Variants in LAMA2 observed in about 807,000 individuals in gnomAD.
LAMA2 encodes the protein laminin subunit alpha-2.
Under a neutral mutation model 364.8 loss-of-function variants are expected in LAMA2, and 269 were observed. The ratio of observed to expected loss-of-function variants is 0.74; its 90% confidence interval spans 0.67 to 0.82. The LOEUF (loss-of-function observed/expected upper bound fraction) is 0.82. Among genes scored for constraint, LAMA2 ranks in the 40% least tolerant of loss-of-function variants. LAMA2 has a pLI of 0.00. For synonymous variants in LAMA2, 1,379 were observed against 1,370.6 expected, an observed-to-expected ratio of 1.01 and a Z score of -0.14; for missense variants, 3,807 against 3,873.2, an observed-to-expected ratio of 0.98 and a Z score of 0.45.
At chr6:129,289,989 G>A (rs796600532) in intron 19 of LAMA2, among the ~76,000 whole-genome samples, 22 of 152,098 alleles carry the variant, frequency 1.4e-4, no homozygotes, top group African/African-American at 5.3e-4. Context: ...CATTATTTTG[G>A]TTACCTATAG....
intron 1 of LAMA2, among the ~76,000 whole-genome samples, chr6:129,009,336 C>A (rs548800025): frequency 2.0e-5 from 3 of 152,042 alleles, no homozygotes; most frequent in African/African-American, 7.2e-5. Flanking sequence ...TCTTTAAAAA[C>A]TGAGTTTTAT....
intron 39 of LAMA2, among the ~76,000 whole-genome samples, chr6:129,403,491 C>T (rs912835022): frequency 2.0e-5 from 3 of 152,162 alleles, no homozygotes; most frequent in African/African-American, 7.2e-5. Context: ...AGTACAAGTG[C>T]TCTGAATCTC....
At chr6:129,030,606 C>A (rs1015805754) in intron 1 of LAMA2, among the ~76,000 whole-genome samples, 6 of 152,130 alleles carry the variant, frequency 3.9e-5, no homozygotes, top group Non-Finnish European at 8.8e-5. Flanking sequence ...CAGTGCTACA[C>A]ATTTATTATG....
At chr6:129,497,579 A>G (rs779016752) in intron 58 of LAMA2, among the ~76,000 whole-genome samples, 5 of 152,226 alleles carry the variant, frequency 3.3e-5, no homozygotes, top group East Asian at 1.9e-4. Context: ...ACTAAGACTT[A>G]AAAGTTAACT....
intron 17 of LAMA2, among the ~76,000 whole-genome samples, chr6:129,278,557 C>T (rs1449724700): frequency 2.6e-5 from 4 of 152,044 alleles, no homozygotes; most frequent in East Asian, 1.9e-4. Context: ...ATCACAATCC[C>T]GTCAAGAAAA....
At chr6:129,156,537 A>G (rs1234527074) in intron 8 of LAMA2, among the ~76,000 whole-genome samples, 3 of 147,044 alleles carry the variant, frequency 2.0e-5, no homozygotes, top group African/African-American at 7.6e-5. Flanking sequence ...TTTTTTTTTT[A>G]AATAACTTCC....
At chr6:129,388,642 C>G (rs1349685292) in intron 35 of LAMA2, among the ~76,000 whole-genome samples, 3 of 152,058 alleles carry the variant, frequency 2.0e-5, no homozygotes, top group Admixed American at 2.0e-4. Flanking sequence ...GATCAAATTT[C>G]AAAAGATATT....
At chr6:129,241,567 G>T (rs1414271968) in intron 12 of LAMA2, among the ~76,000 whole-genome samples, 2 of 152,144 alleles carry the variant, frequency 1.3e-5, no homozygotes, top group African/African-American at 4.8e-5. Flanking sequence ...AAAATTCACT[G>T]ATGCTCTGAA....
chr6:129,431,666 TAA>T (rs1370716146), intron 41 of LAMA2, among the ~76,000 whole-genome samples: 2 of 152,094 alleles, frequency 1.3e-5, no homozygotes, highest in Non-Finnish European at 2.9e-5. Flanking sequence ...CTTTATAAAC[TAA>T]AAAAAGAATC....
At chr6:129,364,277 C>T (rs1227221836) in intron 32 of LAMA2, among the ~76,000 whole-genome samples, 1 of 152,170 alleles carries the variant, frequency 6.6e-6, no homozygotes, top group Non-Finnish European at 1.5e-5. Flanking sequence ...TAATGGTTTT[C>T]TCTCCATTAA....
At position 128,903,943 on chromosome 6, in the gene LAMA2, C is replaced by G. The variant is rs1456457381; in HGVS notation, c.112+20586C>G. On this transcript the variant is annotated intron_variant, in intron 1 of 64. Coordinates refer to ENST00000421865, the MANE Select transcript of LAMA2 (RefSeq NM_000426.4). ...CTAGCAGAGCTCAGAAGTAGGCATCCAGCTGCAGGTAATTGTGTTTTGGGC... is the reference window on the plus strand; with the variant it reads ...CTAGCAGAGCTCAGAAGTAGGCATCGAGCTGCAGGTAATTGTGTTTTGGGC... 2.6e-5 allele frequency among the ~76,000 whole-genome samples: 4 copies of G among 152,226 alleles called. No homozygotes were observed. In the South Asian group the frequency reaches 6.2e-4, roughly 24 times the overall value.
chr6:129,199,507 A>G (rs553995317), intron 12 of LAMA2, among the ~76,000 whole-genome samples: 4 of 152,302 alleles, frequency 2.6e-5, no homozygotes, highest in Admixed American at 2.6e-4. Flanking sequence ...AGTAGATAGG[A>G]AATAAAATAT....
intron 17 of LAMA2, among the ~76,000 whole-genome samples, chr6:129,274,243 G>A (rs931626581): frequency 1.3e-5 from 2 of 151,458 alleles, no homozygotes; most frequent in Non-Finnish European, 2.9e-5. Context: ...AACCTGAAAT[G>A]TTTAAAAAAA....
chr6:129,370,099 T>A, intron 34 of LAMA2, 109 bp downstream of exon 34: 1 of 873,744 alleles, frequency 1.1e-6, no homozygotes, highest in Non-Finnish European at 1.9e-6. Flanking sequence ...ATTCCCAATT[T>A]GGTATATAAA....
At chr6:129,449,238 G>A (rs969558945) in intron 45 of LAMA2, among the ~76,000 whole-genome samples, 4 of 152,294 alleles carry the variant, frequency 2.6e-5, no homozygotes, top group East Asian at 1.9e-4. Context: ...TCATGCTGCT[G>A]TGACAGAGTA....
At chr6:129,013,207 G>A (rs571916681) in intron 1 of LAMA2, among the ~76,000 whole-genome samples, 6 of 152,162 alleles carry the variant, frequency 3.9e-5, no homozygotes, top group East Asian at 1.9e-4. Flanking sequence ...AGGCTGAGGC[G>A]GGCGGATCAC....
chr6:128,907,687 G>C (rs1470704455), intron 1 of LAMA2, among the ~76,000 whole-genome samples: 1 of 152,150 alleles, frequency 6.6e-6, no homozygotes, highest in Non-Finnish European at 1.5e-5. Flanking sequence ...TAGGAGTGGT[G>C]AGAGAGGGCA....
At chr6:129,356,446 A>AT (rs1021933355) in intron 32 of LAMA2, among the ~76,000 whole-genome samples, 1 of 152,094 alleles carries the variant, frequency 6.6e-6, no homozygotes. Flanking sequence ...TATATTAAGC[A>AT]TTTTACACGT....
intron 17 of LAMA2, among the ~76,000 whole-genome samples, chr6:129,276,209 C>T (rs1788318141): frequency 6.6e-6 from 1 of 152,114 alleles, no homozygotes; most frequent in South Asian, 2.1e-4. Flanking sequence ...TGTGTAGCCA[C>T]TCAAAATGGT....
Sources: gnomAD v4.1 joint callset for allele counts (sites outside exome capture counted in the v4.1 genomes callset) on GRCh38, gnomAD v4.1.1 for gene constraint, MANE v1.5 for transcripts, NCBI Gene and HGNC (gene_info 2026-07-23, HGNC 2026-07-21) for gene names.